The following PCDHGA3 variants were observed in gnomAD, a reference collection of about 807,000 sequenced individuals.
PCDHGA3 encodes protocadherin gamma subfamily A, 3, also known as protocadherin gamma-A3.
In PCDHGA3, 40 loss-of-function variants were observed where a neutral mutation model predicts 58.5. That is an observed-to-expected ratio of 0.68 (90% CI 0.53 to 0.89). The LOEUF is 0.89. PCDHGA3 is among the 40% of genes least tolerant of loss of function. PCDHGA3 has a pLI of 0.00. For missense variants in PCDHGA3, 1,223 were observed against 1,195.9 expected, an observed-to-expected ratio of 1.02 and a Z score of -0.33; for synonymous variants, 530 against 525.7, an observed-to-expected ratio of 1.01 and a Z score of -0.11.
At chr5:141,423,880 G>A in intron 1 of PCDHGA3, 1 of 1,282,292 alleles carries the variant, frequency 7.8e-7, no homozygotes, top group Middle Eastern at 2.9e-4. Context: ...TTTCAATCTT[G>A]GCATATTTTC....
At chr5:141,347,151 C>CTTTCTTTCTTTCTTTT (rs1280751776) in intron 1 of PCDHGA3, among the ~76,000 whole-genome samples, 35 of 131,272 alleles carry the variant, frequency 2.7e-4, no homozygotes, top group Admixed American at 2.4e-3. Flanking sequence ...TTCTTTCTTT[C>CTTTCTTTCTTTCTTTT]TTTCTTTCTT....
intron 1 of PCDHGA3, chr5:141,390,461 C>T: frequency 2.7e-6 from 2 of 738,224 alleles, no homozygotes; most frequent in Non-Finnish European, 4.3e-6. Context: ...AAAGTAGGAG[C>T]AATTGTGTGG....
intron 1 of PCDHGA3, among the ~76,000 whole-genome samples, chr5:141,464,442 G>A (rs890758574): frequency 3.3e-5 from 5 of 151,500 alleles, no homozygotes; most frequent in African/African-American, 1.2e-4. Flanking sequence ...TATGTTTGTT[G>A]TTGTTGTTGT....
Position 141,376,230 on chromosome 5 carries a change from T to C in PCDHGA3, c.2424+29773T>C, listed in dbSNP as rs567339650. The C allele has an allele frequency of 4.3e-6, 7 of 1,614,210 alleles. No homozygotes were observed. The East Asian group carries it at 6.7e-5, about 15-fold the overall frequency. ...GTCATCGTGCTGCTGGCGCTCAGACTGCAGCGCTGGCACAAGTCACGCCTG... is the reference window on the plus strand; with the variant it reads ...GTCATCGTGCTGCTGGCGCTCAGACCGCAGCGCTGGCACAAGTCACGCCTG... On this transcript the variant is annotated intron_variant, in intron 1 of 3. Coordinates refer to ENST00000253812, the MANE Select transcript of PCDHGA3 (RefSeq NM_018916.4).
intron 1 of PCDHGA3, chr5:141,377,873 T>C (rs1304157749): frequency 6.6e-6 from 1 of 152,196 alleles, no homozygotes; most frequent in Admixed American, 6.5e-5. Context: ...AGACTTCTCT[T>C]ATCAGAGATA....
rs375127524 is a variant in PCDHGA3 at position 141,490,702 on chromosome 5, C to T, written c.2425-4105C>T. ...AGATCCAGACACTGGGGATAATGCC[C>T]GCCTCACCTACTCCATTGTAGGAAA... On this transcript the variant is annotated intron_variant, in intron 1 of 3. Coordinates refer to ENST00000253812, the MANE Select transcript of PCDHGA3 (RefSeq NM_018916.4). The surrounding 1 kb of genome is among the most constrained non-coding windows in gnomAD (Gnocchi z 5.4). 36 of 1,614,060 alleles carry T rather than the reference C, an allele frequency of 2.2e-5. No homozygotes were observed. Among genetic ancestry groups the T allele is most frequent in the South Asian group, 7.7e-5 (7 of 91,090 alleles).
chr5:141,398,568 G>C, intron 1 of PCDHGA3: 1 of 1,614,014 alleles, frequency 6.2e-7, no homozygotes, highest in African/African-American at 1.3e-5. Context: ...AGTCTGCACA[G>C]CCTGGCACAA....
rs760367783 is a variant in PCDHGA3 at position 141,394,819 on chromosome 5, C to T, written c.2424+48362C>T. The T allele has an allele frequency of 2.5e-6, 4 of 1,613,890 alleles. No individual in the cohort carries two copies. In the South Asian group the frequency reaches 4.4e-5, roughly 18 times the overall value. On this transcript the variant is annotated intron_variant, in intron 1 of 3. Transcript: ENST00000253812. ...ACCGTAGCCGTGGCTGACAGCATCCCCGAAGTCCTGACCGAGTTGGGCAGT... is the reference window on the plus strand; with the variant it reads ...ACCGTAGCCGTGGCTGACAGCATCCTCGAAGTCCTGACCGAGTTGGGCAGT...
chr5:141,374,945 A>G, intron 1 of PCDHGA3: 1 of 1,614,034 alleles, frequency 6.2e-7, no homozygotes, highest in Non-Finnish European at 8.5e-7. Flanking sequence ...TACAGAAAAG[A>G]TCTCACAAAT....
In PCDHGA3 at chr5:141,476,040, G is replaced by A; in HGVS notation, c.2425-18767G>A. 2.0e-6 allele frequency: 3 copies of A among 1,488,704 alleles called. No individual in the cohort carries two copies. Among genetic ancestry groups the A allele is most frequent in the Admixed American group, 2.2e-5 (1 of 44,984 alleles). 92.2% of individuals were successfully genotyped at this position (1,488,704 alleles called of 1,614,324 possible). On this transcript the variant is annotated intron_variant, in intron 1 of 3. Coordinates refer to ENST00000253812, the MANE Select transcript of PCDHGA3 (RefSeq NM_018916.4). The surrounding 1 kb of genome is among the most constrained non-coding windows in gnomAD (Gnocchi z 7.6). The stretch of plus-strand genomic sequence containing the variant: ...CGGACTCGGCGCCCAGCGCCCAAGC[G>A]CTAACCCGCTGAAAGTTTCTCAGCG...
intron 1 of PCDHGA3, chr5:141,351,473 G>A (rs1758729090): frequency 6.2e-7 from 1 of 1,613,814 alleles, no homozygotes. Context: ...GATTGCTGGA[G>A]CCCTAAACCG....
chr5:141,409,751 C>T, intron 1 of PCDHGA3: 1 of 1,613,000 alleles, frequency 6.2e-7, no homozygotes, highest in Non-Finnish European at 8.5e-7. Flanking sequence ...GGTGTTCGCG[C>T]AGCGCGCCTT....
At chr5:141,419,807 G>A in intron 1 of PCDHGA3, 2 of 1,614,074 alleles carry the variant, frequency 1.2e-6, no homozygotes, top group South Asian at 1.1e-5. Flanking sequence ...AAGAGATGGA[G>A]GACAGCCACC....
chr5:141,484,426 C>T (rs377504062), intron 1 of PCDHGA3, among the ~76,000 whole-genome samples: 1 of 152,188 alleles, frequency 6.6e-6, no homozygotes, highest in African/African-American at 2.4e-5. Context: ...ACAATGAGAA[C>T]ATGTACTGCA....
chr5:141,362,276 G>A (rs1762413710), intron 1 of PCDHGA3: 17 of 1,613,888 alleles, frequency 1.1e-5, no homozygotes, highest in Middle Eastern at 1.6e-4. Flanking sequence ...ATCTCCCTGC[G>A]CCTGCGACTC....
intron 1 of PCDHGA3, chr5:141,404,048 ATTC>A (rs1247713760): frequency 1.9e-6 from 3 of 1,613,866 alleles, no homozygotes; most frequent in South Asian, 1.1e-5. Flanking sequence ...GGGAACAGTA[ATTC>A]TTCTTTTCAA....
At chr5:141,394,494 G>A (rs771645801) in intron 1 of PCDHGA3, 4 of 1,614,200 alleles carry the variant, frequency 2.5e-6, no homozygotes, top group Non-Finnish European at 1.7e-6. Flanking sequence ...CAACGCGCCC[G>A]AGATCCTGTA....
chr5:141,352,758 G>A (rs979968894), intron 1 of PCDHGA3: 18 of 1,339,206 alleles, frequency 1.3e-5, no homozygotes, highest in Non-Finnish European at 1.8e-5. Flanking sequence ...ACCAGGCTGA[G>A]GCAGGTGGAT....
In PCDHGA3 at chr5:141,355,154, C is replaced by G. The variant is rs1314885234; in HGVS notation, c.2424+8697C>G. On this transcript the variant is annotated intron_variant, in intron 1 of 3. Transcript: ENST00000253812. Reference sequence around the variant, plus strand: ...GAAGATCCTGGGGCTCCTCAGGCCTCGACAGAGGGAAAACCGAAGCACAGG... The same window carrying G: ...GAAGATCCTGGGGCTCCTCAGGCCTGGACAGAGGGAAAACCGAAGCACAGG... 11 of 1,551,788 alleles carry G rather than the reference C, an allele frequency of 7.1e-6. No individual in the cohort carries two copies. The Admixed American group carries it at 1.7e-4, about 25-fold the overall frequency.
Sources: gnomAD v4.1 joint callset for allele counts (sites outside exome capture counted in the v4.1 genomes callset) on GRCh38, gnomAD v4.1.1 for gene constraint, Gnocchi (gnomAD v3.1) non-coding constraint, MANE v1.5 for transcripts, NCBI Gene and HGNC (gene_info 2026-07-23, HGNC 2026-07-21) for gene names.